The following SIN3A variants were observed in gnomAD, a reference collection of about 807,000 sequenced individuals.
The protein encoded by SIN3A is SIN3 transcription regulator family member A, also known as paired amphipathic helix protein Sin3a.
A neutral mutation model predicts 146.1 loss-of-function variants in SIN3A; 14 were observed. The observed-to-expected ratio is 0.10, with a 90% CI of 0.06 to 0.15. SIN3A has a LOEUF of 0.15. Among genes scored for constraint, SIN3A ranks in the 10% least tolerant of loss-of-function variants. The pLI is 1.00. For missense variants in SIN3A, 1,028 were observed against 1,576.0 expected (o/e 0.65, Z 5.89); for synonymous variants, 572 against 572.0 (o/e 1.00, Z 0.00).
At chr15:75,429,949 C>T (rs2141570006) in intron 2 of SIN3A, 1 of 400,866 alleles carries the variant, frequency 2.5e-6, no homozygotes, top group South Asian at 4.4e-5. Context: ...AGATCAGTGG[C>T]TACCTCTGAA....
At chr15:75,444,163 G>T (rs191861770) in intron 1 of SIN3A, among the ~76,000 whole-genome samples, 2 of 152,088 alleles carry the variant, frequency 1.3e-5, no homozygotes, top group Non-Finnish European at 2.9e-5. Context: ...TTATTCCTTT[G>T]GAAAAAAAAT....
chr15:75,379,363 C>T (rs1204250621), intron 19 of SIN3A, among the ~76,000 whole-genome samples: 1 of 152,136 alleles, frequency 6.6e-6, no homozygotes, highest in African/African-American at 2.4e-5. Flanking sequence ...AGCCCCTTAG[C>T]TGTCAGACAA....
chr15:75,442,628 A>T (rs980682233), intron 1 of SIN3A, among the ~76,000 whole-genome samples: 19 of 151,036 alleles, frequency 1.3e-4, no homozygotes, highest in African/African-American at 4.4e-4. Flanking sequence ...AAAAAAAAAA[A>T]AAAAAAAAAA....
intron 16 of SIN3A, among the ~76,000 whole-genome samples, chr15:75,385,933 A>G (rs2073067598): frequency 6.6e-6 from 1 of 152,246 alleles, no homozygotes; most frequent in South Asian, 2.1e-4. Context: ...CATGAGGAAG[A>G]TTAAGATACA....
At chr15:75,438,347 A>T (rs1482963340) in intron 1 of SIN3A, among the ~76,000 whole-genome samples, 1 of 150,880 alleles carries the variant, frequency 6.6e-6, no homozygotes, top group East Asian at 1.9e-4. Flanking sequence ...CCTGGTTGAC[A>T]GAACAAGGCT....
chr15:75,440,171 A>G (rs1048418376), intron 1 of SIN3A, among the ~76,000 whole-genome samples: 3 of 151,856 alleles, frequency 2.0e-5, no homozygotes, highest in Non-Finnish European at 4.4e-5. Context: ...AAATAAATAA[A>G]TAACTTTAAA....
intron 3 of SIN3A, among the ~76,000 whole-genome samples, chr15:75,416,866 A>G (rs948907419): frequency 6.6e-6 from 1 of 152,202 alleles, no homozygotes; most frequent in African/African-American, 2.4e-5. Context: ...TGCTTTTTCT[A>G]GACTGTGGAT....
intron 1 of SIN3A, among the ~76,000 whole-genome samples, chr15:75,442,144 A>AC (rs1321323383): frequency 6.7e-6 from 1 of 149,172 alleles, no homozygotes; most frequent in Non-Finnish European, 1.5e-5. Flanking sequence ...AAAAAAAAAA[A>AC]AAAAAAAAAC....
At chr15:75,428,285 A>C (rs982369976) in intron 2 of SIN3A, among the ~76,000 whole-genome samples, 84 of 152,142 alleles carry the variant, frequency 5.5e-4, no homozygotes, top group African/African-American at 2.0e-3. Context: ...ATGTAAACCA[A>C]CGATGGTAGA....
At chr15:75,426,314 G>A (rs1595917573) in intron 2 of SIN3A, among the ~76,000 whole-genome samples, 1 of 152,212 alleles carries the variant, frequency 6.6e-6, no homozygotes, top group South Asian at 2.1e-4. Flanking sequence ...TCCTGAGGAA[G>A]AGTGACACCT....
At chr15:75,441,167 G>A (rs1005367032) in intron 1 of SIN3A, among the ~76,000 whole-genome samples, 5 of 151,718 alleles carry the variant, frequency 3.3e-5, no homozygotes, top group East Asian at 1.9e-4. Context: ...AAAATTAGCC[G>A]GGCATGGTGG....
intron 19 of SIN3A, among the ~76,000 whole-genome samples, chr15:75,380,312 G>A (rs1205886754): frequency 1.3e-5 from 2 of 152,036 alleles, no homozygotes; most frequent in African/African-American, 2.4e-5. Flanking sequence ...GCATCTTCTC[G>A]CTGTACTAAA....
rs765855397 is a variant in SIN3A, at chr15:75,380,692, T to C, written c.3320A>G (p.Asn1107Ser). The C allele has an allele frequency of 5.6e-6, 9 of 1,614,034 alleles. No homozygotes were observed. In the South Asian group the frequency reaches 9.9e-5, roughly 18 times the overall value. Residue 1107 changes from asparagine to serine, a missense_variant, in exon 19 of 21, where the codon AAT becomes AGT. Coordinates refer to ENST00000394947, the MANE Select transcript of SIN3A (RefSeq NM_001145358.2). Reference sequence around the variant, plus strand: ...AAGCTCAGGCGAGGTAGTATCTGAATTCATGTATCGCTCCACGTAGTCTGA... The same window carrying C: ...AAGCTCAGGCGAGGTAGTATCTGAACTCATGTATCGCTCCACGTAGTCTGA... ...RWSDYVERYM[N>S]SDTTSPELRE...
At position 75,400,357 on chromosome 15, in the gene SIN3A, T is replaced by C. The variant is rs1197947983; in HGVS notation, c.1738-201A>G. 2.6e-5 allele frequency among the ~76,000 whole-genome samples: 4 copies of C among 152,206 alleles called. No homozygotes were observed. The East Asian group carries it at 7.7e-4, about 29-fold the overall frequency. On this transcript the variant is annotated intron_variant, in intron 11 of 20. Coordinates refer to ENST00000394947, the MANE Select transcript of SIN3A (RefSeq NM_001145358.2). The stretch of plus-strand genomic sequence containing the variant: ...AAGCGGAAATATAATTCCAGTGCTT[T>C]GGGAGGACGAAGCAGGAAGATCACC...
chr15:75,436,136 AAAAAAAAC>A (rs929567605), intron 1 of SIN3A, among the ~76,000 whole-genome samples: 5 of 151,462 alleles, frequency 3.3e-5, no homozygotes, highest in East Asian at 1.9e-4. Flanking sequence ...TCTGTCTCAA[AAAAAAAAC>A]AAAAAAAACA....
chr15:75,375,592 G>T, intron 20 of SIN3A, 73 bp downstream of exon 20: 1 of 1,195,394 alleles, frequency 8.4e-7, no homozygotes, highest in Non-Finnish European at 1.2e-6. Flanking sequence ...AAAACAATCA[G>T]AAGACTCTGG....
At chr15:75,377,687 C>T (rs1005214206) in intron 19 of SIN3A, among the ~76,000 whole-genome samples, 5 of 151,670 alleles carry the variant, frequency 3.3e-5, no homozygotes, top group African/African-American at 1.2e-4. Context: ...TAAATCCCAA[C>T]CCCTCAATTT....
intron 17 of SIN3A, among the ~76,000 whole-genome samples, chr15:75,383,482 G>A (rs1271555907): frequency 1.3e-5 from 2 of 151,286 alleles, no homozygotes; most frequent in Non-Finnish European, 2.9e-5. Flanking sequence ...GGGGTGCAGT[G>A]ACGCGATCAG....
intron 3 of SIN3A, among the ~76,000 whole-genome samples, chr15:75,418,749 C>T (rs1207658442): frequency 6.6e-6 from 1 of 151,150 alleles, no homozygotes; most frequent in African/African-American, 2.4e-5. Context: ...GACAAATGGC[C>T]GCTTTTTTGT....
Sources: allele counts gnomAD v4.1 joint callset (sites outside exome capture counted in the v4.1 genomes callset), GRCh38; gene constraint gnomAD v4.1.1; transcripts MANE v1.5; gene names NCBI Gene and HGNC (gene_info 2026-07-23, HGNC 2026-07-21).